N4BP2: variants seen among roughly 807,000 people sequenced by gnomAD.
The protein encoded by N4BP2 is NEDD4-binding protein 2.
Under a neutral mutation model 152.8 loss-of-function variants are expected in N4BP2, and 91 were observed. The ratio of observed to expected loss-of-function variants is 0.60; its 90% confidence interval spans 0.50 to 0.71. The LOEUF (loss-of-function observed/expected upper bound fraction) is 0.71. Ranked by LOEUF, N4BP2 falls within the 30% of genes least tolerant of loss-of-function variation. The probability of loss-of-function intolerance (pLI) is 0.00; values close to 1 mark genes in which losing one functional copy is unlikely to be tolerated. For missense variants in N4BP2, 1,923 were observed against 2,059.1 expected, an observed-to-expected ratio of 0.93 and a Z score of 1.28; for synonymous variants, 646 against 705.3, an observed-to-expected ratio of 0.92 and a Z score of 1.33.
At chr4:40,101,410 T>G (rs1217183696) in intron 3 of N4BP2, among the ~76,000 whole-genome samples, 3 of 152,226 alleles carry the variant, frequency 2.0e-5, no homozygotes, top group African/African-American at 7.2e-5. Flanking sequence ...TCCACCCGCC[T>G]CAGCCTCCCA....
At chr4:40,079,519 A>G (rs1379379229) in intron 2 of N4BP2, among the ~76,000 whole-genome samples, 1 of 150,508 alleles carries the variant, frequency 6.6e-6, no homozygotes, top group Non-Finnish European at 1.5e-5. Context: ...TAATGTCAGT[A>G]TTGACCATTG....
downstream of N4BP2, among the ~76,000 whole-genome samples, chr4:40,160,361 C>T (rs530015239): frequency 2.6e-5 from 4 of 152,232 alleles, no homozygotes; most frequent in South Asian, 2.1e-4. Context: ...ATGCCGTATG[C>T]GTTTAGTAGA....
intron 7 of N4BP2, among the ~76,000 whole-genome samples, 186 bp from the exon 8 acceptor site, chr4:40,117,683 A>G (rs1044209131): frequency 3.3e-5 from 5 of 152,246 alleles, no homozygotes; most frequent in Non-Finnish European, 7.3e-5. Flanking sequence ...ACTTAAGTGT[A>G]TAATTTAAGA....
the N4BP2 span, among the ~76,000 whole-genome samples, chr4:40,187,933 G>A: frequency 6.6e-6 from 1 of 152,102 alleles, no homozygotes; most frequent in Admixed American, 6.5e-5. Context: ...GGAAATTACA[G>A]GCATCTTAGG....
intron 15 of N4BP2, 91 bp from the exon 16 acceptor site, chr4:40,144,541 C>T: frequency 6.1e-6 from 6 of 981,828 alleles, no homozygotes; most frequent in East Asian, 5.1e-5. Context: ...TCCCTTTTTC[C>T]CCCTTCCTTT....
At chr4:40,095,684 G>A (rs895421712) in intron 2 of N4BP2, among the ~76,000 whole-genome samples, 1 of 152,086 alleles carries the variant, frequency 6.6e-6, no homozygotes, top group African/African-American at 2.4e-5. Context: ...TGGGGCAGAG[G>A]GAGCAGGGTA....
chr4:40,070,015 C>T (rs959339204), intron 1 of N4BP2, among the ~76,000 whole-genome samples: 18 of 152,116 alleles, frequency 1.2e-4, no homozygotes, highest in African/African-American at 2.9e-4. Context: ...TTTCAAACAT[C>T]TTAGAAGCAA....
intron 10 of N4BP2, 94 bp downstream of exon 10, chr4:40,123,306 A>G (rs780217114): frequency 8.5e-6 from 7 of 824,858 alleles, no homozygotes; most frequent in Admixed American, 2.4e-5. Context: ...AAGGAGTTCT[A>G]TTGAATTTTG....
downstream of N4BP2, among the ~76,000 whole-genome samples, chr4:40,158,729 T>A (rs1397518998): frequency 6.6e-6 from 1 of 151,592 alleles, no homozygotes; most frequent in Non-Finnish European, 1.5e-5. Context: ...GGCGAGATTG[T>A]GCCACTGAGC....
At chr4:40,105,947 C>T (rs1463482913) in intron 4 of N4BP2, among the ~76,000 whole-genome samples, 1 of 152,136 alleles carries the variant, frequency 6.6e-6, no homozygotes, top group African/African-American at 2.4e-5. Flanking sequence ...AGAGGATAAA[C>T]AGGAATTGGG....
At chr4:40,183,063 A>C in the N4BP2 span, among the ~76,000 whole-genome samples, 2 of 152,208 alleles carry the variant, frequency 1.3e-5, no homozygotes, top group Non-Finnish European at 2.9e-5. Context: ...TGTTACCCTA[A>C]GACAATTCCT....
chr4:40,169,251 A>C, the N4BP2 span, among the ~76,000 whole-genome samples: 1 of 151,848 alleles, frequency 6.6e-6, no homozygotes, highest in East Asian at 2.0e-4. Context: ...GCATGGTGGC[A>C]CACACCTATA....
At chr4:40,101,493 G>A (rs1411412683) in intron 3 of N4BP2, among the ~76,000 whole-genome samples, 2 of 152,180 alleles carry the variant, frequency 1.3e-5, no homozygotes, top group African/African-American at 4.8e-5. Flanking sequence ...ATATTACAGT[G>A]TAATTGTCTC....
Position 40,104,260 on chromosome 4 carries a change from C to CT in N4BP2, c.1373+1057dup, listed in dbSNP as rs754438067. ...AGCCACCGCGCCTGGCTTGCTAGTT[C>CT]TTTTTTTTTTTTTTTCCTTTTTCCA... On this transcript the variant is annotated intron_variant, in intron 4 of 17. Coordinates refer to ENST00000261435, the MANE Select transcript of N4BP2 (RefSeq NM_018177.6). 4.8e-3 allele frequency among the ~76,000 whole-genome samples: 664 copies of CT among 137,336 alleles called. 6 individuals carry two copies. The highest frequency in any genetic ancestry group is 0.012 in the African/African-American group (460 of 37,750). The allele number at this position is 137,336 out of a possible 152,430, so 90.1% of individuals were successfully genotyped here.
chr4:40,183,303 A>T, the N4BP2 span, among the ~76,000 whole-genome samples: 3 of 150,522 alleles, frequency 2.0e-5, no homozygotes, highest in East Asian at 3.9e-4. Flanking sequence ...ATTTTTGGCC[A>T]TTTAGGTTGG....
At chr4:40,161,598 T>A (rs1220487665), downstream of N4BP2, among the ~76,000 whole-genome samples, 2 of 152,074 alleles carry the variant, frequency 1.3e-5, no homozygotes, top group African/African-American at 2.4e-5. Flanking sequence ...TTTAAAAGGA[T>A]CTCTATTTTT....
chr4:40,149,828 C>T (rs1281769709), intron 16 of N4BP2, among the ~76,000 whole-genome samples: 11 of 147,748 alleles, frequency 7.4e-5, no homozygotes, highest in Admixed American at 6.2e-4. Context: ...ACCAGGGAGG[C>T]GAAGCTTGCA....
Position 40,123,116 on chromosome 4 carries a change from T to TC in N4BP2, c.4199-6dup. On this transcript the variant is annotated splice_polypyrimidine_tract_variant and intron_variant, in intron 9 of 17. Coordinates refer to ENST00000261435, the MANE Select transcript of N4BP2 (RefSeq NM_018177.6). ...TGATTACATTTTCTTCCCTCCCCCT[T>TC]CCCCCACAAGGGTCTCTAACAGTTG... The TC allele has an allele frequency of 1.3e-6, 2 of 1,568,366 alleles. No homozygotes were observed. The highest frequency in any genetic ancestry group is 1.7e-5 in the Admixed American group (1 of 57,318).
chr4:40,118,908 AG>A (rs1717600564), intron 8 of N4BP2, among the ~76,000 whole-genome samples: 2 of 152,240 alleles, frequency 1.3e-5, no homozygotes, highest in Admixed American at 6.5e-5. Context: ...AAGAAACCAC[AG>A]GTCTGAATTA....
Sources: gnomAD v4.1 joint callset for allele counts (sites outside exome capture counted in the v4.1 genomes callset) on GRCh38, gnomAD v4.1.1 for gene constraint, MANE v1.5 for transcripts, NCBI Gene and HGNC (gene_info 2026-07-23, HGNC 2026-07-21) for gene names.